GPR84: variants seen among roughly 807,000 people sequenced by gnomAD.
GPR84 encodes G protein-coupled receptor 84.
GPR84 carries 8 observed loss-of-function variants against 14.9 expected under a neutral mutation model. That is an observed-to-expected ratio of 0.54 (90% CI 0.31 to 0.97). The LOEUF (loss-of-function observed/expected upper bound fraction) is 0.97. Among genes scored for constraint, GPR84 ranks in the 50% least tolerant of loss-of-function variants. GPR84 has a pLI of 0.04. For missense variants in GPR84, 424 were observed against 498.7 expected (o/e 0.85, Z 1.43); for synonymous variants, 164 against 198.1 (o/e 0.83, Z 1.45).
At chr12:54,359,781 T>C (rs1403718715), downstream of GPR84, among the ~76,000 whole-genome samples, 1 of 152,154 alleles carries the variant, frequency 6.6e-6, no homozygotes, top group African/African-American at 2.4e-5. Context: ...CAAGAAAGCC[T>C]GGCTTTTCTT....
At chr12:54,353,966 C>G in the GPR84 span, 3 of 152,232 alleles carry the variant, frequency 2.0e-5, no homozygotes, top group African/African-American at 7.2e-5. Flanking sequence ...AGCCTCCAGA[C>G]CTTGTCTTTG....
chr12:54,356,189 A>G, the GPR84 span, among the ~76,000 whole-genome samples: 8 of 152,176 alleles, frequency 5.3e-5, no homozygotes, highest in African/African-American at 1.9e-4. Flanking sequence ...CCAGTAGGAA[A>G]GGAAATAGGG....
the GPR84 span, among the ~76,000 whole-genome samples, chr12:54,356,240 T>C: frequency 6.6e-6 from 1 of 152,228 alleles, no homozygotes; most frequent in Admixed American, 6.5e-5. Context: ...CAGTCTCACC[T>C]GAAGAAAGAA....
chr12:54,359,383 G>A (rs140710437), downstream of GPR84, among the ~76,000 whole-genome samples: 224 of 151,112 alleles, frequency 1.5e-3, 1 homozygote, highest in African/African-American at 5.3e-3. Context: ...GAGAGAGCGT[G>A]CGAACGAGCA....
rs139782494 is a variant in GPR84 at position 54,363,692 on chromosome 12, G to C, written c.160C>G (p.Arg54Gly). The change falls in exon 2 of 2, where the codon CGA becomes GGA. Residue 54 changes from arginine to glycine, a missense_variant. Transcript: ENST00000267015. ...ALAIQPKLRT[R>G]FNLLIANLTL... ...AGGTTGGCTATGAGCAGGTTGAATC[G>C]GGTACGGAGCTTGGGCTGGATGGCC... The C allele has an allele frequency of 1.1e-5, 18 of 1,613,952 alleles. No homozygotes were observed. The highest frequency in any genetic ancestry group is 1.7e-6 in the Non-Finnish European group (2 of 1,179,990).
chr12:54,362,413 T>A (rs1262610096), downstream of GPR84: 2 of 423,498 alleles, frequency 4.7e-6, no homozygotes, highest in East Asian at 7.4e-5. This position sits in a 1 kb window ranked among gnomAD's most constrained non-coding sequence, Gnocchi z 4.0. Flanking sequence ...CCGTGACCTG[T>A]TTCCTTCTTC....
chr12:54,360,860 A>G (rs1186249360), downstream of GPR84, among the ~76,000 whole-genome samples: 1 of 152,186 alleles, frequency 6.6e-6, no homozygotes, highest in Admixed American at 6.5e-5. Context: ...GTAGACAGGA[A>G]TATCTCATGA....
At chr12:54,359,899 A>G (rs996548476), downstream of GPR84, among the ~76,000 whole-genome samples, 1 of 149,882 alleles carries the variant, frequency 6.7e-6, no homozygotes, top group Admixed American at 6.6e-5. Context: ...CTATGGTCTT[A>G]GACCCCAGGA....
chr12:54,358,641 AG>A (rs1205195803), downstream of GPR84, among the ~76,000 whole-genome samples: 1 of 151,906 alleles, frequency 6.6e-6, no homozygotes, highest in Non-Finnish European at 1.5e-5. Flanking sequence ...CTGGATAGTG[AG>A]ATTTGAAAAG....
chr12:54,359,034 A>C (rs1383626541), downstream of GPR84, among the ~76,000 whole-genome samples: 1 of 151,896 alleles, frequency 6.6e-6, no homozygotes, highest in Admixed American at 6.5e-5. Flanking sequence ...AGTGGACGAA[A>C]GAGAAGGGAG....
Position 54,362,829 on chromosome 12 carries a change from C to T in GPR84, c.1023G>A (p.Leu341=). ...CCCGGGGAGCCTGGACTCTGGCATC[C>T]AGAATGTTGAGCAGCAAGAAGGGGA... ...SYIPFLLLNI[L]DARVQAPRVV... Residue 341 remains leucine, a synonymous_variant, in exon 2 of 2, where the codon CTG becomes CTA. Coordinates refer to ENST00000267015, the MANE Select transcript of GPR84 (RefSeq NM_020370.3). The surrounding 1 kb of genome is among the most constrained non-coding windows in gnomAD (Gnocchi z 4.0). 6.2e-7 allele frequency: 1 copy of T among 1,614,196 alleles called. No individual in the cohort carries two copies. The highest frequency in any genetic ancestry group is 8.5e-7 in the Non-Finnish European group (1 of 1,180,030).
the GPR84 span, among the ~76,000 whole-genome samples, chr12:54,354,305 C>T: frequency 7.9e-5 from 12 of 151,710 alleles, no homozygotes; most frequent in East Asian, 3.9e-4. Flanking sequence ...TTTATAGAGA[C>T]GATGTTTTGC....
At chr12:54,351,849 GC>G in the GPR84 span, 16 of 152,292 alleles carry the variant, frequency 1.1e-4, no homozygotes, top group African/African-American at 3.9e-4. Flanking sequence ...TTTCCAAACT[GC>G]CTTTGTGTGA....
At position 54,363,109 on chromosome 12, in the gene GPR84, C is replaced by T. The variant is rs150967547; in HGVS notation, c.743G>A (p.Gly248Glu). The T allele has an allele frequency of 2.0e-5, 32 of 1,614,192 alleles. No individual in the cohort carries two copies. The African/African-American group carries it at 4.0e-4, about 20-fold the overall frequency. The part of the protein sequence containing the change: ...FQELDSRLAS[G>E]GPSEGISSEP... ...AGATGAAATCCCCTCACTGGGTCCT[C>T]CTGATGCTAACCTGCTGTCCAGCTC... The change falls in exon 2 of 2, where the codon GGA becomes GAA. Residue 248 changes from glycine (G) to glutamate (E), a missense_variant. Physicochemically the swap from Gly to Glu is moderately conservative, Grantham distance 98. Transcript: ENST00000267015.
At position 54,363,800 on chromosome 12, in the gene GPR84, C is replaced by T. The variant is rs1954299861; in HGVS notation, c.52G>A (p.Gly18Ser). ...NFSCYHESVL[G>S]YRYVAVSWGV... is the part of the protein sequence containing the mutation. Reference sequence around the variant, plus strand: ...CAGCTAACTGCAACATAACGATAGCCCAGCACAGACTCATGGTAGCAGGAG... The same window carrying T: ...CAGCTAACTGCAACATAACGATAGCTCAGCACAGACTCATGGTAGCAGGAG... The change falls in exon 2 of 2, where the codon GGC becomes AGC. Residue 18 changes from glycine (G) to serine (S), a missense_variant. By Grantham distance (56) the Gly-to-Ser change is moderately conservative. Transcript: ENST00000267015. 2 of 1,611,166 alleles carry T rather than the reference C, an allele frequency of 1.2e-6. No individual in the cohort carries two copies. The highest frequency in any genetic ancestry group is 1.7e-6 in the Non-Finnish European group (2 of 1,178,520).
rs775676766 is a variant in GPR84 at position 54,362,721 on chromosome 12, G to A, written c.1131C>T (p.Phe377=). 13 of 1,614,036 alleles carry A rather than the reference G, an allele frequency of 8.1e-6. No individual in the cohort carries two copies. The highest frequency in any genetic ancestry group is 1.1e-5 in the Non-Finnish European group (13 of 1,179,924). The stretch of plus-strand genomic sequence containing the variant: ...TTAAAATGGAGCCATATGCTTGGCG[G>A]AATTGGCGGTTCATGGCTGCATAGA... ...PVLYAAMNRQ[F]RQAYGSILKR... The change falls in exon 2 of 2, where the codon TTC becomes TTT. Residue 377 remains phenylalanine (F), a synonymous_variant. Coordinates refer to ENST00000267015, the MANE Select transcript of GPR84 (RefSeq NM_020370.3). This position sits in a 1 kb window ranked among gnomAD's most constrained non-coding sequence, Gnocchi z 4.0.
chr12:54,361,091 G>T (rs1954263663), downstream of GPR84, among the ~76,000 whole-genome samples: 4 of 152,134 alleles, frequency 2.6e-5, no homozygotes, highest in African/African-American at 9.7e-5. The surrounding 1 kb of genome is among the most constrained non-coding windows in gnomAD (Gnocchi z 4.3). Context: ...GACAGGATTT[G>T]GTCATTCTGG....
rs763224433 is a variant in GPR84 at position 54,363,787 on chromosome 12, A to G, written c.65T>C (p.Val22Ala). The change falls in exon 2 of 2, where the codon GTT becomes GCT. Residue 22 changes from valine to alanine, a missense_variant. By Grantham distance (64) the Val-to-Ala change is moderately conservative. Transcript: ENST00000267015. ...CACCACCACCCCCCAGCTAACTGCA[A>G]CATAACGATAGCCCAGCACAGACTC... ...YHESVLGYRY[V>A]AVSWGVVVAV... The G allele has an allele frequency of 2.5e-6, 4 of 1,613,092 alleles. No individual in the cohort carries two copies. The highest frequency in any genetic ancestry group is 1.7e-5 in the Admixed American group (1 of 59,972).
downstream of GPR84, among the ~76,000 whole-genome samples, chr12:54,358,978 T>G (rs549393998): frequency 6.6e-6 from 1 of 152,114 alleles, no homozygotes; most frequent in East Asian, 1.9e-4. Context: ...TCAGACCCCA[T>G]CATCCCTTCA....
Sources: gnomAD v4.1 joint callset for allele counts (sites outside exome capture counted in the v4.1 genomes callset) on GRCh38, gnomAD v4.1.1 for gene constraint, Gnocchi (gnomAD v3.1) non-coding constraint, MANE v1.5 for transcripts, NCBI Gene and HGNC (gene_info 2026-07-23, HGNC 2026-07-21) for gene names.